The following DYSF variants were observed in gnomAD, a reference collection of about 807,000 sequenced individuals.
The protein encoded by DYSF is dysferlin, also known as dystrophy-associated fer-1-like 1.
DYSF carries 212 observed loss-of-function variants against 274.9 expected under a neutral mutation model. The observed-to-expected ratio is 0.77, with a 90% confidence interval of 0.69 to 0.86. The LOEUF is 0.86. Among genes scored for constraint, DYSF ranks in the 40% least tolerant of loss-of-function variants. The pLI is 0.00. For synonymous variants in DYSF, 1,091 were observed against 1,078.7 expected (o/e 1.01, Z -0.22); for missense variants, 2,666 against 2,783.2 (o/e 0.96, Z 0.95).
At chr2:71,489,487 A>G (rs2083634390) in intron 3 of DYSF, among the ~76,000 whole-genome samples, 1 of 152,226 alleles carries the variant, frequency 6.6e-6, no homozygotes, top group South Asian at 2.1e-4. Flanking sequence ...TTCCTGACAT[A>G]GGGCCATCTC....
At position 71,653,581 on chromosome 2, in the gene DYSF, G is replaced by A. The variant is rs1056123483; in HGVS notation, c.4627-2581G>A. Among the ~76,000 whole-genome samples the A allele has an allele frequency of 2.0e-3, 301 of 147,290 alleles. 2 individuals carry two copies. Among genetic ancestry groups the A allele is most frequent in the African/African-American group, 7.0e-3 (279 of 39,898 alleles). On this transcript the variant is annotated intron_variant, in intron 42 of 55. Transcript: ENST00000410020. Reference sequence around the variant, plus strand: ...AAGGACAAAAAACCAAACACCGCATGTTCTCACTCATAGGTGGGAATTGAA... The same window carrying A: ...AAGGACAAAAAACCAAACACCGCATATTCTCACTCATAGGTGGGAATTGAA...
chr2:71,543,167 G>T (rs1011773439), intron 17 of DYSF, among the ~76,000 whole-genome samples: 1 of 147,224 alleles, frequency 6.8e-6, no homozygotes, highest in African/African-American at 2.5e-5. Context: ...GGGCGGAGGG[G>T]CTCCTCACTT....
intron 10 of DYSF, among the ~76,000 whole-genome samples, chr2:71,518,447 A>G (rs1391533584): frequency 7.8e-6 from 1 of 128,336 alleles, no homozygotes; most frequent in African/African-American, 2.9e-5. Flanking sequence ...TGGTATTTTT[A>G]GTACAGATGG....
intron 40 of DYSF, among the ~76,000 whole-genome samples, chr2:71,619,373 T>C (rs762548849): frequency 2.6e-5 from 4 of 152,122 alleles, no homozygotes; most frequent in Non-Finnish European, 5.9e-5. Flanking sequence ...CTTCTGGCTC[T>C]GAACAGCCCT....
intron 29 of DYSF, among the ~76,000 whole-genome samples, chr2:71,571,379 TCA>T (rs1170825915): frequency 6.3e-5 from 5 of 79,650 alleles, no homozygotes; most frequent in African/African-American, 2.2e-4. Flanking sequence ...CATGCACAGA[TCA>T]CAGTCAGCAC....
intron 3 of DYSF, among the ~76,000 whole-genome samples, chr2:71,492,706 C>G (rs867228760): frequency 1.6e-4 from 22 of 141,830 alleles, no homozygotes; most frequent in South Asian, 1.3e-3. Context: ...CCTCCCCCCC[C>G]CCCTTTTCTT....
Position 71,515,716 on chromosome 2 carries a change from CG to C in DYSF, c.855del (p.Ile286SerfsTer34). Reference protein sequence around the residue: ...VTAAGQTKRTRIHKGNSPLFN... With the variant: ...VTAAGQTKRTXIHKGNSPLFN... Reference sequence around the variant, plus strand: ...CGCTGCAGGGCAGACCAAGCGGACGCGGATCCACAAGGGAAACAGCCCACTC... The same window carrying C: ...CGCTGCAGGGCAGACCAAGCGGACGCGATCCACAAGGGAAACAGCCCACTC... On this transcript the variant is annotated frameshift_variant, in exon 8 of 56. Transcript: ENST00000410020. LOFTEE classifies it high-confidence loss of function. 3.1e-6 allele frequency: 5 copies of C among 1,614,088 alleles called. No homozygotes were observed. Among genetic ancestry groups the C allele is most frequent in the Non-Finnish European group, 4.2e-6 (5 of 1,180,018 alleles).
rs1558771846 is a variant in DYSF, at chr2:71,665,217, T to C, written c.5230T>C (p.Phe1744Leu). Reference sequence around the variant, plus strand: ...CCGCCCCTCCCAGCTCCTCCACCTCTTCTGCCAGCAGCATAGAGTCAAGGC... The same window carrying C: ...CCGCCCCTCCCAGCTCCTCCACCTCCTCTGCCAGCAGCATAGAGTCAAGGC... ...QLRPSQLLHL[F>L]CQQHRVKAPV... Residue 1744 changes from phenylalanine (F) to leucine (L), a missense_variant, in exon 47 of 56, where the codon TTC becomes CTC. Physicochemically the swap from Phe to Leu is conservative, Grantham distance 22 (BLOSUM62 0). Transcript: ENST00000410020. The C allele has an allele frequency of 1.9e-6, 3 of 1,614,102 alleles. No individual in the cohort carries two copies. The highest frequency in any genetic ancestry group is 1.7e-4 in the Middle Eastern group (1 of 6,048).
rs776035565 is a variant in DYSF, at chr2:71,569,841, C to G, written c.2886C>G (p.Ala962=). 6.2e-7 allele frequency: 1 copy of G among 1,614,002 alleles called. No homozygotes were observed. Among genetic ancestry groups the G allele is most frequent in the Non-Finnish European group, 8.5e-7 (1 of 1,180,008 alleles). ...ACAGTCTGCTCCATGACATGGACGC[C>G]GGTCACCTGAGCTTCGTGGAAGAGG... is the stretch of plus-strand genomic sequence containing the variant. ...PEKTLLHDMD[A]GHLSFVEEVF... Residue 962 remains alanine (A), a synonymous_variant, in exon 27 of 56, where the codon GCC becomes GCG. Transcript: ENST00000410020.
At chr2:71,508,605 T>A (rs1270474155) in intron 4 of DYSF, among the ~76,000 whole-genome samples, 1 of 152,222 alleles carries the variant, frequency 6.6e-6, no homozygotes, top group African/African-American at 2.4e-5. Flanking sequence ...ATTTAGGCTG[T>A]GTGTCTTGGG....
chr2:71,494,206 C>A (rs1383351035), intron 3 of DYSF, among the ~76,000 whole-genome samples: 1 of 152,180 alleles, frequency 6.6e-6, no homozygotes, highest in Non-Finnish European at 1.5e-5. Context: ...ATTCTGACAA[C>A]TTTCGTGGCA....
intron 51 of DYSF, among the ~76,000 whole-genome samples, chr2:71,671,971 G>C (rs769315585): frequency 1.3e-5 from 2 of 152,162 alleles, no homozygotes. Flanking sequence ...GGGAGCAGGG[G>C]TGGCGAGGAG....
rs1374069335 is a variant in DYSF at position 71,658,897 on chromosome 2, C to G, written c.4775C>G (p.Pro1592Arg). Reference sequence around the variant, plus strand: ...TTTCAGGGCCTCTTCAAAATTTATCCCCTCCCAGAAGACCCAGCCATCCCC... The same window carrying G: ...TTTCAGGGCCTCTTCAAAATTTATCGCCTCCCAGAAGACCCAGCCATCCCC... ...GEFKGLFKIYPLPEDPAIPMP... is the reference protein window; with the variant it reads ...GEFKGLFKIYRLPEDPAIPMP... Residue 1592 changes from proline to arginine, a missense_variant, in exon 44 of 56, where the codon CCC becomes CGC. Coordinates refer to ENST00000410020, the MANE Select transcript of DYSF (RefSeq NM_001130987.2). The G allele has an allele frequency of 1.9e-6, 3 of 1,613,964 alleles. No individual in the cohort carries two copies. Among genetic ancestry groups the G allele is most frequent in the African/African-American group, 2.7e-5 (2 of 74,868 alleles).
Position 71,602,797 on chromosome 2 carries a change from C to T in DYSF, c.3949C>T (p.Leu1317=), listed in dbSNP as rs2093577245. The change falls in exon 36 of 56, where the codon CTG becomes TTG. Residue 1317 remains leucine, a synonymous_variant. Coordinates refer to ENST00000410020, the MANE Select transcript of DYSF (RefSeq NM_001130987.2). ...CCAGGTGCAGGAGACATCAAGGATC[C>T]TGGATGAGGTGAGCTGGGCGTGGTG... ...GFEVQETSRI[L]DESEDTDLPY... The T allele has an allele frequency of 6.2e-7, 1 of 1,613,308 alleles. No individual in the cohort carries two copies. The highest frequency in any genetic ancestry group is 8.5e-7 in the Non-Finnish European group (1 of 1,179,906).
At chr2:71,466,503 C>T (rs1043771832), upstream of DYSF, among the ~76,000 whole-genome samples, 5 of 152,178 alleles carry the variant, frequency 3.3e-5, no homozygotes, top group Admixed American at 3.3e-4. Context: ...GCTGCGCGCC[C>T]GCGTCAGCGG....
chr2:71,612,434 A>G (rs1023585107), intron 38 of DYSF, among the ~76,000 whole-genome samples: 14 of 152,132 alleles, frequency 9.2e-5, no homozygotes, highest in Admixed American at 3.9e-4. Flanking sequence ...CTGTGGGGGG[A>G]AAGCCGGCCT....
At chr2:71,600,515 C>G (rs1476654487) in intron 33 of DYSF, among the ~76,000 whole-genome samples, 187 bp from the exon 34 acceptor site, 1 of 152,218 alleles carries the variant, frequency 6.6e-6, no homozygotes. Flanking sequence ...TCACCACAGG[C>G]TGCTCACAGC....
At chr2:71,526,405 T>TGG in intron 13 of DYSF, 59 bp downstream of exon 13, 1 of 370,318 alleles carries the variant, frequency 2.7e-6, no homozygotes, top group Non-Finnish European at 3.9e-6. Flanking sequence ...GCAGGGCTGG[T>TGG]GGGGGTGGGC....
intron 30 of DYSF, among the ~76,000 whole-genome samples, chr2:71,581,832 G>A (rs1290325286): frequency 6.6e-6 from 1 of 152,154 alleles, no homozygotes; most frequent in Non-Finnish European, 1.5e-5. Context: ...GGCCAAATCT[G>A]GCCCTCTGCC....
Sources: gnomAD v4.1 joint callset for allele counts (sites outside exome capture counted in the v4.1 genomes callset) on GRCh38, gnomAD v4.1.1 for gene constraint, MANE v1.5 for transcripts, NCBI Gene and HGNC (gene_info 2026-07-23, HGNC 2026-07-21) for gene names.